PARP8: variants seen among roughly 807,000 people sequenced by gnomAD.
PARP8 encodes the protein protein mono-ADP-ribosyltransferase PARP8.
PARP8 carries 51 observed loss-of-function variants against 124.1 expected under a neutral mutation model. The observed-to-expected ratio is 0.41, with a 90% CI of 0.33 to 0.52. PARP8 has a LOEUF of 0.52. PARP8 is among the 20% of genes least tolerant of loss of function. The pLI, the probability that PARP8 is intolerant of heterozygous loss-of-function variation, is 0.21. For synonymous variants in PARP8, 391 were observed against 361.5 expected (o/e 1.08, Z -0.93); for missense variants, 860 against 1,018.9 (o/e 0.84, Z 2.12).
In PARP8 at chr5:50,778,562, G is replaced by A. The variant is rs1460559853; in HGVS notation, c.582G>A (p.Glu194=). 5 of 1,602,656 alleles carry A rather than the reference G, an allele frequency of 3.1e-6. No homozygotes were observed. Among genetic ancestry groups the A allele is most frequent in the African/African-American group, 1.3e-5 (1 of 74,406 alleles). The change falls in exon 9 of 26, where the codon GAG becomes GAA. Residue 194 remains glutamate (E), a splice_region_variant and synonymous_variant. Transcript: ENST00000281631. ...ATCTTTTAAATATATTTGTGCAGGA[G>A]GAGATTGCTGTGGCTTGGGAAGTAA... ...DLHIDVSFLD[E]EIAVAWEVIR...
intron 2 of PARP8, among the ~76,000 whole-genome samples, chr5:50,744,441 G>A (rs1413525612): frequency 6.6e-6 from 1 of 152,176 alleles, no homozygotes; most frequent in African/African-American, 2.4e-5. Flanking sequence ...GCTGCTTTGG[G>A]AACTCCTTTA....
intron 2 of PARP8, among the ~76,000 whole-genome samples, chr5:50,698,182 G>C (rs1331979667): frequency 6.6e-6 from 1 of 152,186 alleles, no homozygotes; most frequent in Admixed American, 6.5e-5. Context: ...GTTAATAAAT[G>C]AATGAGTTTG....
intron 2 of PARP8, among the ~76,000 whole-genome samples, chr5:50,734,604 A>G (rs1185898089): frequency 6.6e-6 from 1 of 152,180 alleles, no homozygotes; most frequent in Non-Finnish European, 1.5e-5. Flanking sequence ...TTAGAGCTAT[A>G]TAATTCTCAT....
intron 2 of PARP8, among the ~76,000 whole-genome samples, chr5:50,698,383 C>T (rs1348240735): frequency 1.3e-5 from 2 of 152,150 alleles, no homozygotes; most frequent in African/African-American, 4.8e-5. Flanking sequence ...AATCCTAGAA[C>T]ATTTATGAAT....
At chr5:50,819,727 G>A (rs1745551084) in intron 15 of PARP8, among the ~76,000 whole-genome samples, 1 of 152,050 alleles carries the variant, frequency 6.6e-6, no homozygotes, top group Admixed American at 6.6e-5. Context: ...TTACAGGCGT[G>A]AGCCACTGCG....
intron 2 of PARP8, among the ~76,000 whole-genome samples, chr5:50,682,444 G>T (rs1353081602): frequency 6.7e-6 from 1 of 148,504 alleles, no homozygotes; most frequent in Non-Finnish European, 1.5e-5. Flanking sequence ...AATATTTTCA[G>T]TTCATGTGCT....
chr5:50,702,237 T>TA (rs1190911233), intron 2 of PARP8, among the ~76,000 whole-genome samples: 1 of 151,996 alleles, frequency 6.6e-6, no homozygotes, highest in African/African-American at 2.4e-5. Flanking sequence ...AAGTTTTTTT[T>TA]AAAAAAGATA....
chr5:50,702,694 T>C (rs1753722295), intron 2 of PARP8, among the ~76,000 whole-genome samples: 1 of 152,192 alleles, frequency 6.6e-6, no homozygotes. Context: ...TTAACAAATA[T>C]ATTAGAAATT....
At chr5:50,706,374 A>T (rs1006387783) in intron 2 of PARP8, among the ~76,000 whole-genome samples, 1 of 152,006 alleles carries the variant, frequency 6.6e-6, no homozygotes, top group Admixed American at 6.6e-5. Flanking sequence ...GGGATGTAGA[A>T]GTTTTCATGT....
rs1371632101 is a variant in PARP8, at chr5:50,779,936, C to T, written c.670+1286C>T. Among the ~76,000 whole-genome samples, 3 of 152,006 alleles carry T rather than the reference C, an allele frequency of 2.0e-5. No homozygotes were observed. In the South Asian group the frequency reaches 6.2e-4, roughly 32 times the overall value. On this transcript the variant is annotated intron_variant, in intron 9 of 25. Transcript: ENST00000281631. ...TAATGCATAATATAAATTACATATT[C>T]TAACTGATTTAATGCTGGACAAGAA...
chr5:50,815,354 A>G lies in PARP8; in HGVS notation c.1576-78A>G, dbSNP rs1018638731. On this transcript the variant is annotated intron_variant, in intron 14 of 25. Coordinates refer to ENST00000281631, the MANE Select transcript of PARP8 (RefSeq NM_024615.4). ...TTAAACCTTGCATTTTCTATTTATT[A>G]TGTGAAATGTTGTGAATTTAATTTT... The G allele has an allele frequency of 5.1e-5, 50 of 977,368 alleles. 1 individual carries two copies. The highest frequency in any genetic ancestry group is 4.6e-4 in the South Asian group (25 of 54,904). 60.5% of individuals were successfully genotyped at this position (977,368 alleles called of 1,614,324 possible).
chr5:50,669,749 T>C lies in PARP8; in HGVS notation c.146+1624T>C, dbSNP rs548702159. 2.0e-5 allele frequency among the ~76,000 whole-genome samples: 3 copies of C among 152,318 alleles called. No individual in the cohort carries two copies. The South Asian group carries it at 6.2e-4, about 32-fold the overall frequency. ...CATCAGTTTTCACCATAGGAAGAAG[T>C]ACCATGGTTGCTCTTAAAGTAAGAG... On this transcript the variant is annotated intron_variant, in intron 2 of 25. Coordinates refer to ENST00000281631, the MANE Select transcript of PARP8 (RefSeq NM_024615.4).
At chr5:50,789,247 A>G (rs1396586191) in intron 10 of PARP8, among the ~76,000 whole-genome samples, 1 of 152,180 alleles carries the variant, frequency 6.6e-6, no homozygotes, top group Non-Finnish European at 1.5e-5. Flanking sequence ...TCTATTTTTA[A>G]AAAACAGAAA....
intron 2 of PARP8, among the ~76,000 whole-genome samples, chr5:50,740,666 A>T (rs1409452566): frequency 1.3e-5 from 2 of 152,076 alleles, no homozygotes; most frequent in African/African-American, 2.4e-5. Flanking sequence ...TTTCAAACTT[A>T]GCAAGGCATG....
intron 2 of PARP8, among the ~76,000 whole-genome samples, chr5:50,672,669 A>T (rs1159888563): frequency 6.6e-6 from 1 of 152,208 alleles, no homozygotes; most frequent in Non-Finnish European, 1.5e-5. Context: ...TAATTAATTC[A>T]GTTGAAAAAA....
chr5:50,707,231 A>G (rs1441668867), intron 2 of PARP8, among the ~76,000 whole-genome samples: 1 of 152,066 alleles, frequency 6.6e-6, no homozygotes, highest in Non-Finnish European at 1.5e-5. Flanking sequence ...TACAGTATAT[A>G]ATTCGTCATT....
intron 2 of PARP8, among the ~76,000 whole-genome samples, chr5:50,692,450 T>G (rs1212575601): frequency 6.6e-6 from 1 of 152,144 alleles, no homozygotes; most frequent in Non-Finnish European, 1.5e-5. Context: ...TAAAAGTTTC[T>G]ATTTATGACT....
chr5:50,769,443 C>G (rs899455097), intron 7 of PARP8, among the ~76,000 whole-genome samples: 15 of 152,024 alleles, frequency 9.9e-5, no homozygotes, highest in Middle Eastern at 3.4e-3. Flanking sequence ...TTGTGATAAC[C>G]TGGCTGGTGT....
chr5:50,667,518 C>A, intron 1 of PARP8: 1 of 700,178 alleles, frequency 1.4e-6, no homozygotes, highest in Non-Finnish European at 2.6e-6. Context: ...TGGGTTCCAG[C>A]AGCGGCGGCA....
Sources: gnomAD v4.1 joint callset for allele counts (sites outside exome capture counted in the v4.1 genomes callset) on GRCh38, gnomAD v4.1.1 for gene constraint, MANE v1.5 for transcripts, NCBI Gene and HGNC (gene_info 2026-07-23, HGNC 2026-07-21) for gene names.